ZNF644: variants seen among roughly 807,000 people sequenced by gnomAD.
ZNF644 encodes zinc finger protein 644.
A neutral mutation model predicts 108.0 loss-of-function variants in ZNF644; 20 were observed. The observed-to-expected ratio is 0.19, with a 90% confidence interval of 0.13 to 0.27. The LOEUF is 0.27. Ranked by LOEUF, ZNF644 falls within the 10% of genes least tolerant of loss-of-function variation. ZNF644 has a pLI of 1.00. For synonymous variants in ZNF644, 542 were observed against 539.1 expected (o/e 1.01, Z -0.08); for missense variants, 1,338 against 1,548.9 (o/e 0.86, Z 2.29).
At chr1:90,957,244 A>G (rs1456732448) in intron 2 of ZNF644, among the ~76,000 whole-genome samples, 1 of 152,178 alleles carries the variant, frequency 6.6e-6, no homozygotes, top group East Asian at 1.9e-4. Context: ...TTATTCTCAA[A>G]TTCTTTCAGA....
chr1:90,938,988 G>C lies in ZNF644; in HGVS notation c.2366C>G (p.Pro789Arg). The change falls in exon 3 of 6, where the codon CCT becomes CGT. Residue 789 changes from proline (P) to arginine (R), a missense_variant. Physicochemically the swap from Pro to Arg is moderately radical, Grantham distance 103. Around this residue, in one of 6 missense-constraint regions of ZNF644, gnomAD observed 462 missense variants for 472.6 expected, o/e 0.98. Coordinates refer to ENST00000337393, the MANE Select transcript of ZNF644 (RefSeq NM_201269.3). The surrounding 1 kb of genome is among the most constrained non-coding windows in gnomAD (Gnocchi z 4.2). Reference protein sequence around the residue: ...SNSHNNFISDPHKPDAKRPES... With the variant: ...SNSHNNFISDRHKPDAKRPES... ...AGGCCTTTTGGCGTCAGGCTTATGAGGGTCTGAAATAAAATTGTTGTGAGA... is the reference window on the plus strand; with the variant it reads ...AGGCCTTTTGGCGTCAGGCTTATGACGGTCTGAAATAAAATTGTTGTGAGA... 1 of 1,613,982 alleles carries C rather than the reference G, an allele frequency of 6.2e-7. No homozygotes were observed. Among genetic ancestry groups the C allele is most frequent in the Non-Finnish European group, 8.5e-7 (1 of 1,179,934 alleles).
At chr1:91,013,702 T>C (rs569989040) in intron 1 of ZNF644, among the ~76,000 whole-genome samples, 6 of 152,200 alleles carry the variant, frequency 3.9e-5, no homozygotes, top group Non-Finnish European at 8.8e-5. Flanking sequence ...TTACTATCTG[T>C]AATTGCACTG....
chr1:90,971,018 A>C (rs1040425555), intron 2 of ZNF644, among the ~76,000 whole-genome samples: 1 of 149,900 alleles, frequency 6.7e-6, no homozygotes, highest in African/African-American at 2.5e-5. Context: ...AAAAAAAAAA[A>C]CACTATCACT....
At chr1:90,931,510 C>T (rs936842443) in intron 4 of ZNF644, among the ~76,000 whole-genome samples, 4 of 151,870 alleles carry the variant, frequency 2.6e-5, no homozygotes, top group African/African-American at 7.3e-5. Context: ...AAAGATTGAT[C>T]GGGGAAAGGA....
intron 1 of ZNF644, among the ~76,000 whole-genome samples, chr1:90,982,978 C>CA (rs200676933): frequency 0.015 from 2,306 of 152,076 alleles, 29 homozygotes; most frequent in Non-Finnish European, 0.022. Flanking sequence ...GTGACTTCTA[C>CA]ACCAACAATC....
intron 2 of ZNF644, among the ~76,000 whole-genome samples, chr1:90,943,403 T>C (rs779280359): frequency 9.9e-5 from 15 of 152,274 alleles, no homozygotes; most frequent in Non-Finnish European, 1.8e-4. Context: ...ATTGCGCCAT[T>C]GCACTCCAGC....
chr1:91,006,370 T>C (rs773922037), intron 1 of ZNF644, among the ~76,000 whole-genome samples: 12 of 152,220 alleles, frequency 7.9e-5, no homozygotes, highest in Middle Eastern at 3.4e-3. Flanking sequence ...GACTGTGCCA[T>C]TGCACTCCAG....
intron 1 of ZNF644, among the ~76,000 whole-genome samples, chr1:90,985,719 T>G (rs1657022877): frequency 6.6e-6 from 1 of 152,246 alleles, no homozygotes; most frequent in Admixed American, 6.5e-5. Flanking sequence ...ACACCTAGGT[T>G]GCTTCCCTAT....
intron 2 of ZNF644, among the ~76,000 whole-genome samples, chr1:90,957,915 T>C: frequency 6.6e-6 from 1 of 152,048 alleles, no homozygotes; most frequent in East Asian, 1.9e-4. Flanking sequence ...AATAAACAAA[T>C]AAAGCAAATT....
chr1:90,982,000 A>G (rs899592297), intron 2 of ZNF644, among the ~76,000 whole-genome samples: 6 of 152,106 alleles, frequency 3.9e-5, no homozygotes, highest in Non-Finnish European at 5.9e-5. Context: ...TCAGAGTTCA[A>G]TAAGAGTGGC....
chr1:90,921,933 T>C (rs1054079458), intron 4 of ZNF644, among the ~76,000 whole-genome samples: 4 of 152,188 alleles, frequency 2.6e-5, no homozygotes, highest in South Asian at 4.1e-4. Context: ...AGCAAATAAA[T>C]AGATAACACA....
chr1:90,918,469 G>C (rs1649056417), intron 4 of ZNF644: 1 of 238,824 alleles, frequency 4.2e-6, no homozygotes. Context: ...GTACTAAATT[G>C]GTCAATTATT....
At chr1:90,958,408 T>G (rs1448842347) in intron 2 of ZNF644, among the ~76,000 whole-genome samples, 2 of 152,040 alleles carry the variant, frequency 1.3e-5, no homozygotes, top group African/African-American at 4.8e-5. Flanking sequence ...TCCCCCAAAG[T>G]GATCCCAGAT....
At chr1:90,948,024 G>A (rs571143113) in intron 2 of ZNF644, among the ~76,000 whole-genome samples, 4 of 152,200 alleles carry the variant, frequency 2.6e-5, no homozygotes, top group South Asian at 2.1e-4. Context: ...ACAATTATAC[G>A]TAAAGAAGTG....
At chr1:90,989,854 T>A (rs1300864798) in intron 1 of ZNF644, among the ~76,000 whole-genome samples, 3 of 152,170 alleles carry the variant, frequency 2.0e-5, no homozygotes, top group African/African-American at 7.2e-5. Context: ...CTCAAAACGA[T>A]ATTTACATGC....
intron 1 of ZNF644, among the ~76,000 whole-genome samples, chr1:91,015,109 T>C (rs1014339433): frequency 2.0e-5 from 3 of 152,186 alleles, no homozygotes; most frequent in African/African-American, 7.2e-5. Context: ...TTTTCAAGCA[T>C]AAATGAAAAA....
At chr1:90,971,328 C>T (rs988134125) in intron 2 of ZNF644, among the ~76,000 whole-genome samples, 2 of 149,918 alleles carry the variant, frequency 1.3e-5, no homozygotes, top group African/African-American at 2.5e-5. Flanking sequence ...AGACAAAATT[C>T]AATATCCTTT....
intron 2 of ZNF644, among the ~76,000 whole-genome samples, chr1:90,962,637 C>T (rs1258697013): frequency 6.6e-6 from 1 of 152,036 alleles, no homozygotes; most frequent in East Asian, 1.9e-4. Flanking sequence ...GACACCCTGG[C>T]TAGATGTTTG....
intron 2 of ZNF644, among the ~76,000 whole-genome samples, chr1:90,945,057 T>C (rs1652374503): frequency 6.6e-6 from 1 of 152,146 alleles, no homozygotes; most frequent in Non-Finnish European, 1.5e-5. Context: ...TACCTTTGTA[T>C]AGTCAAATGT....
Sources: allele counts gnomAD v4.1 joint callset (sites outside exome capture counted in the v4.1 genomes callset), GRCh38; gene constraint gnomAD v4.1.1; regional missense constraint gnomAD v4.1.1; non-coding constraint Gnocchi (gnomAD v3.1); transcripts MANE v1.5; gene names NCBI Gene and HGNC (gene_info 2026-07-23, HGNC 2026-07-21).